The following RBFOX1 variants were observed in gnomAD, a reference collection of about 807,000 sequenced individuals.
The protein encoded by RBFOX1 is RNA binding fox-1 homolog 1.
RBFOX1 carries 8 observed loss-of-function variants against 57.7 expected under a neutral mutation model. That is an observed-to-expected ratio of 0.14 (90% CI 0.08 to 0.25). RBFOX1 has a LOEUF of 0.25. Ranked by LOEUF, RBFOX1 falls within the 10% of genes least tolerant of loss-of-function variation. The pLI is 1.00. For missense variants in RBFOX1, 611 were observed against 548.5 expected (o/e 1.11, Z -1.14); for synonymous variants, 326 against 222.4 (o/e 1.47, Z -4.15).
chr16:6,968,454 G>A lies in RBFOX1; in HGVS notation c.-15-83603G>A, dbSNP rs146883051. Among the ~76,000 whole-genome samples, 15 of 152,064 alleles carry A rather than the reference G, an allele frequency of 9.9e-5. No individual in the cohort carries two copies. The East Asian group carries it at 2.3e-3, about 24-fold the overall frequency. ...CTGAAATAAAAGCATGCTGCCTGAC[G>A]CTATCCGGACCGAAAAACTGAGGCT... is the stretch of plus-strand genomic sequence containing the variant. On this transcript the variant is annotated intron_variant, in intron 3 of 15. Transcript: ENST00000550418.
chr16:7,076,635 TC>T (rs2153789045), intron 4 of RBFOX1, among the ~76,000 whole-genome samples: 1 of 152,284 alleles, frequency 6.6e-6, no homozygotes, highest in Admixed American at 6.5e-5. Flanking sequence ...GAAATTTTTT[TC>T]CTCCCAATAA....
rs371163601 is a variant in RBFOX1, at chr16:7,407,052, G to A, written c.28-111095G>A. ...ATCAAAGATAATCTCCCCATCTCGA[G>A]ACCCTGATCTTAATGTTTTTTATTT... On this transcript the variant is annotated intron_variant, in intron 4 of 15. Transcript: ENST00000550418. Among the ~76,000 whole-genome samples, 5 of 152,126 alleles carry A rather than the reference G, an allele frequency of 3.3e-5. No homozygotes were observed. The East Asian group carries it at 7.7e-4, about 23-fold the overall frequency.
chr16:6,101,787 G>C (rs2096312281), intron 1 of RBFOX1, among the ~76,000 whole-genome samples: 1 of 152,136 alleles, frequency 6.6e-6, no homozygotes, highest in African/African-American at 2.4e-5. Flanking sequence ...TATTGTCCTG[G>C]AACACTCCTA....
At chr16:5,518,538 A>T (rs1200371188) in intron 2 of RBFOX1, among the ~76,000 whole-genome samples, 1 of 152,240 alleles carries the variant, frequency 6.6e-6, no homozygotes, top group Non-Finnish European at 1.5e-5. Flanking sequence ...TGATGCCAAA[A>T]ATGCAAGTGT....
chr16:6,981,802 C>T (rs755884528), intron 3 of RBFOX1, among the ~76,000 whole-genome samples: 4 of 152,168 alleles, frequency 2.6e-5, no homozygotes, highest in Admixed American at 6.5e-5. Context: ...GTCAGAGCTA[C>T]CAGTCAAGAT....
chr16:7,060,557 A>G (rs2053935503), intron 4 of RBFOX1, among the ~76,000 whole-genome samples: 2 of 152,330 alleles, frequency 1.3e-5, no homozygotes, highest in African/African-American at 4.8e-5. Flanking sequence ...AAAGAACAGA[A>G]TAGCTACAAT....
chr16:7,451,424 A>G (rs1444214533), intron 4 of RBFOX1, among the ~76,000 whole-genome samples: 1 of 151,962 alleles, frequency 6.6e-6, no homozygotes, highest in Non-Finnish European at 1.5e-5. Flanking sequence ...GGCAATAGGT[A>G]AGTTAACTTG....
chr16:7,437,235 A>C lies in RBFOX1; in HGVS notation c.28-80912A>C, dbSNP rs950474611. On this transcript the variant is annotated intron_variant, in intron 4 of 15. Transcript: ENST00000550418. ...AACATACTATCCTCAACTGTGCTAG[A>C]ATTAAATTATCTTTGCCCCCCCCCC... 5.1e-5 allele frequency among the ~76,000 whole-genome samples: 7 copies of C among 138,416 alleles called. No homozygotes were observed. The East Asian group carries it at 1.5e-3, about 29-fold the overall frequency. The allele number at this position is 138,416 out of a possible 152,430, so 90.8% of individuals were successfully genotyped here.
chr16:6,757,860 T>C (rs2076045110), intron 3 of RBFOX1, among the ~76,000 whole-genome samples: 1 of 152,204 alleles, frequency 6.6e-6, no homozygotes, highest in Admixed American at 6.5e-5. Context: ...ATTACCCTGA[T>C]CATAACACAT....
chr16:7,459,710 A>C (rs2059196966), intron 4 of RBFOX1, among the ~76,000 whole-genome samples: 1 of 152,188 alleles, frequency 6.6e-6, no homozygotes, highest in African/African-American at 2.4e-5. Context: ...TATTGCTTGC[A>C]CCTGGAAATA....
At chr16:6,089,134 G>A (rs1176473255) in intron 1 of RBFOX1, among the ~76,000 whole-genome samples, 1 of 151,462 alleles carries the variant, frequency 6.6e-6, no homozygotes, top group East Asian at 1.9e-4. Flanking sequence ...AGTAATGATG[G>A]GGAAGGACCA....
intron 2 of RBFOX1, among the ~76,000 whole-genome samples, chr16:5,488,958 A>G (rs925541934): frequency 1.1e-4 from 17 of 152,222 alleles, no homozygotes; most frequent in African/African-American, 3.4e-4. Flanking sequence ...AAGCAGTTTA[A>G]ATACATCTCA....
intron 4 of RBFOX1, among the ~76,000 whole-genome samples, chr16:5,955,960 C>G (rs1043293732): frequency 1.3e-5 from 2 of 152,036 alleles, no homozygotes; most frequent in African/African-American, 4.8e-5. Context: ...GGGTGCACAT[C>G]TAACAAATAA....
chr16:5,483,910 C>T (rs919362500), intron 2 of RBFOX1, among the ~76,000 whole-genome samples: 2 of 152,092 alleles, frequency 1.3e-5, no homozygotes, highest in East Asian at 3.8e-4. Context: ...GTGGCTCATG[C>T]TTGTGATCCC....
intron 4 of RBFOX1, among the ~76,000 whole-genome samples, chr16:7,137,832 C>T (rs1052292880): frequency 6.6e-6 from 1 of 152,190 alleles, no homozygotes; most frequent in Non-Finnish European, 1.5e-5. Context: ...AATGTATGTG[C>T]ACAGGCTCAC....
intron 4 of RBFOX1, among the ~76,000 whole-genome samples, chr16:5,888,148 C>G (rs2057946435): frequency 6.6e-6 from 1 of 152,160 alleles, no homozygotes; most frequent in African/African-American, 2.4e-5. Context: ...GTGACTTTCT[C>G]AGCCACTGTG....
chr16:5,863,349 C>A (rs1343344385), intron 3 of RBFOX1, among the ~76,000 whole-genome samples: 2 of 152,178 alleles, frequency 1.3e-5, no homozygotes, highest in Non-Finnish European at 2.9e-5. Flanking sequence ...CAGAATGGCC[C>A]GCCTCAAACA....
At chr16:6,864,193 T>G (rs2059518035) in intron 3 of RBFOX1, among the ~76,000 whole-genome samples, 1 of 152,166 alleles carries the variant, frequency 6.6e-6, no homozygotes. Context: ...ATTACATAAA[T>G]AATTCACTTT....
intron 4 of RBFOX1, among the ~76,000 whole-genome samples, chr16:5,871,747 A>C (rs965435608): frequency 6.6e-6 from 1 of 152,174 alleles, no homozygotes; most frequent in Non-Finnish European, 1.5e-5. Flanking sequence ...AATTCATTTC[A>C]TTTCACTTAC....
Sources: gnomAD v4.1 joint callset for allele counts (sites outside exome capture counted in the v4.1 genomes callset) on GRCh38, gnomAD v4.1.1 for gene constraint, MANE v1.5 for transcripts, NCBI Gene and HGNC (gene_info 2026-07-23, HGNC 2026-07-21) for gene names.